MIPOL1: variants seen among roughly 807,000 people sequenced by gnomAD.
The protein encoded by MIPOL1 is mirror-image polydactyly 1, also known as mirror-image polydactyly gene 1 protein.
A neutral mutation model predicts 60.9 loss-of-function variants in MIPOL1; 57 were observed. That is an observed-to-expected ratio of 0.94 (90% CI 0.76 to 1.17). MIPOL1 has a LOEUF of 1.17. Ranked by LOEUF, MIPOL1 falls within the 50% of genes most tolerant of loss-of-function variation. MIPOL1 has a pLI of 0.00. For synonymous variants in MIPOL1, 179 were observed against 168.8 expected (o/e 1.06, Z -0.47); for missense variants, 551 against 511.6 (o/e 1.08, Z -0.74).
chr14:37,323,024 G>T (rs1595132373), intron 9 of MIPOL1, among the ~76,000 whole-genome samples: 6 of 151,986 alleles, frequency 3.9e-5, no homozygotes, highest in Admixed American at 3.9e-4. Context: ...CGTTGCTTTT[G>T]GTGTTTTAGT....
chr14:37,298,230 G>A (rs1296331487), intron 7 of MIPOL1, among the ~76,000 whole-genome samples: 1 of 152,132 alleles, frequency 6.6e-6, no homozygotes, highest in Non-Finnish European at 1.5e-5. Context: ...AATGGTGCTG[G>A]GAAAACTGGT....
intron 12 of MIPOL1, among the ~76,000 whole-genome samples, chr14:37,539,834 G>T (rs1022479729): frequency 3.9e-5 from 6 of 152,088 alleles, no homozygotes; most frequent in African/African-American, 1.2e-4. Context: ...ATGTGATTTG[G>T]CTGTGTCCCC....
At chr14:37,513,381 C>G (rs1056518970) in intron 12 of MIPOL1, among the ~76,000 whole-genome samples, 12 of 151,930 alleles carry the variant, frequency 7.9e-5, no homozygotes, top group Non-Finnish European at 1.5e-4. Flanking sequence ...CATAGATATA[C>G]CTACAATGTT....
chr14:37,310,462 C>T (rs1251294061), intron 9 of MIPOL1, among the ~76,000 whole-genome samples: 4 of 152,140 alleles, frequency 2.6e-5, no homozygotes, highest in Admixed American at 1.3e-4. Flanking sequence ...ATCTACTAGC[C>T]TACCTGCATT....
intron 3 of MIPOL1, among the ~76,000 whole-genome samples, chr14:37,262,311 TA>T (rs911175169): frequency 8.6e-5 from 13 of 151,264 alleles, no homozygotes; most frequent in South Asian, 4.2e-4. Flanking sequence ...TAATATTCAT[TA>T]AAAAAAAAGT....
At chr14:37,282,879 T>C (rs2084240041) in intron 6 of MIPOL1, among the ~76,000 whole-genome samples, 1 of 151,756 alleles carries the variant, frequency 6.6e-6, no homozygotes, top group Admixed American at 6.6e-5. Context: ...CTAGATGGCA[T>C]AAAATTTCAT....
intron 11 of MIPOL1, among the ~76,000 whole-genome samples, chr14:37,483,066 G>A (rs1350775749): frequency 1.3e-5 from 2 of 149,930 alleles, no homozygotes; most frequent in Non-Finnish European, 3.0e-5. Flanking sequence ...TATGTTTAGG[G>A]AATAATCACT....
chr14:37,420,084 A>G (rs2093844485), intron 10 of MIPOL1, among the ~76,000 whole-genome samples: 1 of 151,780 alleles, frequency 6.6e-6, no homozygotes. Flanking sequence ...GTGACGCAAA[A>G]TAGCAATTTT....
intron 11 of MIPOL1, among the ~76,000 whole-genome samples, chr14:37,424,713 A>G (rs931894196): frequency 6.6e-6 from 1 of 152,242 alleles, no homozygotes; most frequent in Non-Finnish European, 1.5e-5. Context: ...ATTAGTGTCT[A>G]TAAGTGGGCA....
Position 37,485,282 on chromosome 14 carries a change from G to A in MIPOL1, c.1032-14626G>A, listed in dbSNP as rs138390434. Among the ~76,000 whole-genome samples the A allele has an allele frequency of 6.6e-3, 1,005 of 152,160 alleles. 12 individuals carry two copies. The highest frequency in any genetic ancestry group is 0.023 in the African/African-American group (968 of 41,498). On this transcript the variant is annotated intron_variant, in intron 11 of 12. Transcript: ENST00000684589. ...AGTCTTTGCTATTGTGAACAGTGCC[G>A]CAGTAAACATACGTGTGCATGTGTC...
chr14:37,420,052 C>T (rs1278213708), intron 10 of MIPOL1, among the ~76,000 whole-genome samples: 2 of 151,366 alleles, frequency 1.3e-5, no homozygotes, highest in Non-Finnish European at 2.9e-5. Context: ...AGCCACTGTA[C>T]CTGGCTGAAT....
At chr14:37,462,249 A>G (rs2094548190) in intron 11 of MIPOL1, among the ~76,000 whole-genome samples, 1 of 152,226 alleles carries the variant, frequency 6.6e-6, no homozygotes, top group Non-Finnish European at 1.5e-5. Flanking sequence ...CTCTGAAGCC[A>G]TGGCCTGAGC....
In MIPOL1 at chr14:37,278,616, A is replaced by T. The variant is rs1441250308; in HGVS notation, c.494-6702A>T. ...ATTTCTTTTTCCTTCTTTTTAATTT[A>T]GCCTTTTATATTTACATAACTACCA... On this transcript the variant is annotated intron_variant, in intron 6 of 12. Coordinates refer to ENST00000684589, the MANE Select transcript of MIPOL1 (RefSeq NM_001388067.1). 3 of 151,922 alleles carry T rather than the reference A, an allele frequency of 2.0e-5. No homozygotes were observed. In the East Asian group the frequency reaches 5.8e-4, roughly 29 times the overall value. The allele number at this position is 151,922 out of a possible 1,614,324, so 9.4% of individuals were successfully genotyped here.
At chr14:37,215,238 C>T (rs1388303392) in intron 1 of MIPOL1, among the ~76,000 whole-genome samples, 2 of 152,186 alleles carry the variant, frequency 1.3e-5, no homozygotes, top group Non-Finnish European at 1.5e-5. Context: ...ATGGCTCACA[C>T]TCCTTACCCT....
chr14:37,268,596 T>C (rs367583638), intron 4 of MIPOL1, 62 bp from the exon 5 acceptor site: 5 of 1,318,406 alleles, frequency 3.8e-6, no homozygotes, highest in African/African-American at 3.1e-5. Context: ...TCAAGTAGCA[T>C]ACAAAATGTC....
downstream of MIPOL1, chr14:37,551,410 A>T (rs2095561382): frequency 1.3e-5 from 2 of 152,120 alleles, no homozygotes; most frequent in Non-Finnish European, 2.9e-5. Flanking sequence ...TTCCTTAACA[A>T]ATTTAATAAA....
At chr14:37,489,834 G>C (rs1164413259) in intron 11 of MIPOL1, among the ~76,000 whole-genome samples, 1 of 152,166 alleles carries the variant, frequency 6.6e-6, no homozygotes, top group Non-Finnish European at 1.5e-5. Flanking sequence ...CTTCGTCCTA[G>C]AGGGGCACCC....
chr14:37,431,414 C>T (rs2094061853), intron 11 of MIPOL1, among the ~76,000 whole-genome samples: 2 of 151,930 alleles, frequency 1.3e-5, no homozygotes, highest in Admixed American at 1.3e-4. Flanking sequence ...TTGTCTTCTC[C>T]ATCCTTACTT....
intron 1 of MIPOL1, among the ~76,000 whole-genome samples, chr14:37,210,175 A>G (rs1401251165): frequency 6.6e-6 from 1 of 151,976 alleles, no homozygotes; most frequent in African/African-American, 2.4e-5. Context: ...TTCCCCACCA[A>G]CAAGCAGTGG....
Sources: gnomAD v4.1 joint callset for allele counts (sites outside exome capture counted in the v4.1 genomes callset) on GRCh38, gnomAD v4.1.1 for gene constraint, MANE v1.5 for transcripts, NCBI Gene and HGNC (gene_info 2026-07-23, HGNC 2026-07-21) for gene names.